PARD3B: variants seen among roughly 807,000 people sequenced by gnomAD.
The protein encoded by PARD3B is par-3 family cell polarity regulator beta, also known as partitioning defective 3 homolog B.
Under a neutral mutation model 130.2 loss-of-function variants are expected in PARD3B, and 103 were observed. The ratio of observed to expected loss-of-function variants is 0.79; its 90% CI spans 0.67 to 0.93. The LOEUF (loss-of-function observed/expected upper bound fraction) is 0.93. Among genes scored for constraint, PARD3B ranks in the 40% least tolerant of loss-of-function variants. The pLI is 0.00. For missense variants in PARD3B, 1,609 were observed against 1,499.2 expected (o/e 1.07, Z -1.21); for synonymous variants, 583 against 553.2 (o/e 1.05, Z -0.76).
intron 2 of PARD3B, among the ~76,000 whole-genome samples, chr2:204,879,136 A>G (rs555601598): frequency 2.6e-5 from 4 of 152,332 alleles, no homozygotes; most frequent in Admixed American, 6.5e-5. Context: ...TTCTGGCAGC[A>G]TTCTGTAATG....
intron 2 of PARD3B, among the ~76,000 whole-genome samples, chr2:204,817,611 T>C (rs1315267924): frequency 6.6e-6 from 1 of 152,132 alleles, no homozygotes. Flanking sequence ...TGAATAATAC[T>C]CAGCTGCAGG....
chr2:205,571,962 A>G (rs2053573710), intron 22 of PARD3B, among the ~76,000 whole-genome samples: 2 of 152,190 alleles, frequency 1.3e-5, no homozygotes, highest in African/African-American at 4.8e-5. Flanking sequence ...GAAAGAAACT[A>G]AACACATGAT....
chr2:205,097,909 A>G (rs1442180731), intron 4 of PARD3B, among the ~76,000 whole-genome samples: 2 of 152,008 alleles, frequency 1.3e-5, no homozygotes, highest in Non-Finnish European at 2.9e-5. Context: ...TAGGGATGGT[A>G]TCTTTGAAGT....
intron 21 of PARD3B, among the ~76,000 whole-genome samples, chr2:205,535,336 CTCTT>C (rs752262902): frequency 6.6e-6 from 1 of 152,170 alleles, no homozygotes; most frequent in Non-Finnish European, 1.5e-5. Flanking sequence ...GGTACTCAGA[CTCTT>C]TATTTGGTTC....
In PARD3B at chr2:204,759,851, G is replaced by A. The variant is rs190901591; in HGVS notation, c.222+73569G>A. The stretch of plus-strand genomic sequence containing the variant: ...AAATTTTATTTTTTGCTTTAGTTTA[G>A]GCCTTTACTATCTCTTGTCTGGTCT... On this transcript the variant is annotated intron_variant, in intron 2 of 22. Transcript: ENST00000406610. 7.9e-5 allele frequency among the ~76,000 whole-genome samples: 12 copies of A among 152,072 alleles called. 2 individuals are homozygous for A. The East Asian group carries it at 1.4e-3, about 17-fold the overall frequency.
chr2:205,037,989 T>C (rs1698129461), intron 3 of PARD3B, among the ~76,000 whole-genome samples: 1 of 152,114 alleles, frequency 6.6e-6, no homozygotes, highest in South Asian at 2.1e-4. Context: ...TCCAAAGAAA[T>C]AGAGATTGTT....
At chr2:205,238,769 T>C (rs1002370864) in intron 15 of PARD3B, among the ~76,000 whole-genome samples, 3 of 143,490 alleles carry the variant, frequency 2.1e-5, no homozygotes, top group Non-Finnish European at 4.5e-5. Context: ...GAGGCAGAGG[T>C]TGCAGTGAGC....
At chr2:205,006,567 G>A (rs947988460) in intron 3 of PARD3B, among the ~76,000 whole-genome samples, 4 of 152,154 alleles carry the variant, frequency 2.6e-5, no homozygotes, top group Admixed American at 1.3e-4. Flanking sequence ...GATTAGTGAT[G>A]TTGGGCATTT....
chr2:205,367,906 T>C (rs533690155), intron 18 of PARD3B, among the ~76,000 whole-genome samples: 78 of 152,346 alleles, frequency 5.1e-4, no homozygotes, highest in Non-Finnish European at 5.1e-4. Flanking sequence ...ATTCTTTTAA[T>C]ACCCAAACCT....
chr2:204,914,222 T>G lies in PARD3B; in HGVS notation c.223-50930T>G, dbSNP rs141953841. ...TCTGTTAACAAGAACCTCTCTTGCT[T>G]TGATGAGTTGTTTTTTTTCCTTTTC... On this transcript the variant is annotated intron_variant, in intron 2 of 22. Coordinates refer to ENST00000406610, the MANE Select transcript of PARD3B (RefSeq NM_001302769.2). Among the ~76,000 whole-genome samples the G allele has an allele frequency of 1.9e-3, 293 of 152,278 alleles. 1 individual carries two copies. The highest frequency in any genetic ancestry group is 0.017 in the Middle Eastern group (5 of 294).
At chr2:205,349,638 G>T (rs1384986653) in intron 18 of PARD3B, among the ~76,000 whole-genome samples, 8 of 151,814 alleles carry the variant, frequency 5.3e-5, no homozygotes, top group Non-Finnish European at 8.8e-5. Context: ...ATTTTCCAGA[G>T]ATAAAAATCA....
chr2:205,140,816 C>T (rs978389900), intron 10 of PARD3B, among the ~76,000 whole-genome samples: 14 of 152,070 alleles, frequency 9.2e-5, no homozygotes, highest in African/African-American at 3.4e-4. Context: ...TATCTCTCAG[C>T]ATTTTTTTGG....
chr2:205,116,167 C>G lies in PARD3B; in HGVS notation c.680+2590C>G, dbSNP rs948263632. On this transcript the variant is annotated intron_variant, in intron 6 of 22. Coordinates refer to ENST00000406610, the MANE Select transcript of PARD3B (RefSeq NM_001302769.2). This position sits in a 1 kb window ranked among gnomAD's most constrained non-coding sequence, Gnocchi z 4.5. ...AAAAAAAACACCAAAGTTCTTGCAA[C>G]TAAAATGCAACTTAATTTTATTCAG... Among the ~76,000 whole-genome samples, 2 of 152,096 alleles carry G rather than the reference C, an allele frequency of 1.3e-5. No homozygotes were observed. Among genetic ancestry groups the G allele is most frequent in the African/African-American group, 2.4e-5 (1 of 41,400 alleles).
rs1260670683 is a variant in PARD3B at position 205,568,588 on chromosome 2, A to G, written c.3260+15185A>G. Among the ~76,000 whole-genome samples the G allele has an allele frequency of 2.0e-5, 3 of 152,228 alleles. No homozygotes were observed. Among genetic ancestry groups the G allele is most frequent in the Non-Finnish European group, 2.9e-5 (2 of 68,042 alleles). On this transcript the variant is annotated intron_variant, in intron 22 of 22. Transcript: ENST00000406610. This position sits in a 1 kb window ranked among gnomAD's most constrained non-coding sequence, Gnocchi z 5.3. ...CTGACTCAAAAATGCCCATTAATGA[A>G]CAATGATGGTTTGAGTGTGTGCTGT...
intron 2 of PARD3B, among the ~76,000 whole-genome samples, chr2:204,747,791 A>C (rs2040303566): frequency 6.6e-6 from 1 of 152,160 alleles, no homozygotes; most frequent in Non-Finnish European, 1.5e-5. Context: ...TTAAAAAGAA[A>C]TGAGAAATAA....
chr2:204,546,197 G>T, intron 1 of PARD3B, 78 bp downstream of exon 1: 1 of 1,536,068 alleles, frequency 6.5e-7, no homozygotes. Context: ...GACACTCAGG[G>T]GATGCAGAAA....
At chr2:204,703,245 T>C (rs1236609324) in intron 2 of PARD3B, among the ~76,000 whole-genome samples, 2 of 152,178 alleles carry the variant, frequency 1.3e-5, no homozygotes, top group Non-Finnish European at 2.9e-5. Context: ...ACCACCATGC[T>C]TAGACACAAA....
Position 205,230,727 on chromosome 2 carries a change from C to T in PARD3B, c.2141-15051C>T, listed in dbSNP as rs921726864. Among the ~76,000 whole-genome samples the T allele has an allele frequency of 6.6e-6, 1 of 152,142 alleles. No homozygotes were observed. The highest frequency in any genetic ancestry group is 1.5e-5 in the Non-Finnish European group (1 of 68,028). ...TGCCCAGTAATTGCAGTCCTTAGGG[C>T]CTAGACTACCTTTCAAGTCTGTTTA... On this transcript the variant is annotated intron_variant, in intron 15 of 22. Transcript: ENST00000406610. The surrounding 1 kb of genome is among the most constrained non-coding windows in gnomAD (Gnocchi z 4.1).
At chr2:205,467,405 T>C (rs192170333) in intron 20 of PARD3B, among the ~76,000 whole-genome samples, 4 of 152,330 alleles carry the variant, frequency 2.6e-5, no homozygotes, top group Admixed American at 2.6e-4. Flanking sequence ...GTCACAACAG[T>C]GGGGCTGTTT....
Sources: gnomAD v4.1 joint callset for allele counts (sites outside exome capture counted in the v4.1 genomes callset) on GRCh38, gnomAD v4.1.1 for gene constraint, Gnocchi (gnomAD v3.1) non-coding constraint, MANE v1.5 for transcripts, NCBI Gene and HGNC (gene_info 2026-07-23, HGNC 2026-07-21) for gene names.